The following NLGN1 variants were observed in gnomAD, a reference collection of about 807,000 sequenced individuals.
NLGN1 encodes neuroligin-1.
In NLGN1, 12 loss-of-function variants were observed where a neutral mutation model predicts 65.5. The ratio of observed to expected loss-of-function variants is 0.18; its 90% confidence interval spans 0.12 to 0.30. NLGN1 has a LOEUF of 0.30. Among genes scored for constraint, NLGN1 ranks in the 10% least tolerant of loss-of-function variants. The pLI is 1.00. For synonymous variants in NLGN1, 350 were observed against 359.5 expected (o/e 0.97, Z 0.30); for missense variants, 750 against 1,007.1 (o/e 0.74, Z 3.46).
At position 173,676,562 on chromosome 3, in the gene NLGN1, T is replaced by A. The variant is rs1001174865; in HGVS notation, c.493+71471T>A. Among the ~76,000 whole-genome samples the A allele has an allele frequency of 7.2e-5, 11 of 152,308 alleles. No homozygotes were observed. The East Asian group carries it at 2.1e-3, about 29-fold the overall frequency. ...ATGGTAAATGAATAAAATATTTTTA[T>A]GTATATACCTTTGATGTACTTTTTG... On this transcript the variant is annotated intron_variant, in intron 3 of 6. Transcript: ENST00000457714.
At chr3:173,678,726 A>G (rs1763518326) in intron 3 of NLGN1, among the ~76,000 whole-genome samples, 1 of 152,104 alleles carries the variant, frequency 6.6e-6, no homozygotes, top group African/African-American at 2.4e-5. Flanking sequence ...TCAGATATGA[A>G]TTTCAAAATG....
exon 6 of NLGN1, chr3:174,278,873 G>A (rs1577783480): frequency 4.8e-6 from 7 of 1,469,720 alleles, no homozygotes; most frequent in Non-Finnish European, 5.4e-6. Context: ...CTTTTTCAAC[G>A]AGCAATAGCT....
intron 4 of NLGN1, among the ~76,000 whole-genome samples, chr3:174,088,812 A>AAAAC (rs1273814016): frequency 6.0e-5 from 9 of 151,228 alleles, no homozygotes; most frequent in Non-Finnish European, 1.2e-4. Flanking sequence ...AAATAAAACT[A>AAAAC]GATTATTTTT....
At chr3:174,260,665 G>GC (rs766152748) in intron 4 of NLGN1, among the ~76,000 whole-genome samples, 1,718 of 118,666 alleles carry the variant, frequency 0.014, 7 homozygotes, top group East Asian at 0.043. Flanking sequence ...AGTTTCTTTT[G>GC]TGTGCAGAAG....
At position 174,198,844 on chromosome 3, in the gene NLGN1, C is replaced by CTTTTTTT. The variant is rs56752477; in HGVS notation, c.647-76455_647-76449dup. ...TTTGATCTGGCCTCATGACTAGATT[C>CTTTTTTT]TTTTTTTTTTTTTTTTTTTTTTGAG... On this transcript the variant is annotated intron_variant, in intron 4 of 6. Coordinates refer to ENST00000457714, the Ensembl canonical transcript of NLGN1. 3.9e-4 allele frequency among the ~76,000 whole-genome samples: 39 copies of CTTTTTTT among 99,882 alleles called. 2 individuals carry two copies. Among genetic ancestry groups the CTTTTTTT allele is most frequent in the Non-Finnish European group, 4.7e-4 (25 of 53,328 alleles). 65.5% of individuals were successfully genotyped at this position (99,882 alleles called of 152,430 possible).
intron 4 of NLGN1, among the ~76,000 whole-genome samples, chr3:174,243,276 C>T (rs1344186087): frequency 1.3e-5 from 2 of 152,202 alleles, no homozygotes; most frequent in Admixed American, 6.5e-5. Flanking sequence ...TTCCTCCTTT[C>T]AAACATGTCT....
chr3:174,081,323 G>T (rs1319617402), intron 4 of NLGN1, among the ~76,000 whole-genome samples: 1 of 152,048 alleles, frequency 6.6e-6, no homozygotes, highest in Non-Finnish European at 1.5e-5. Context: ...TAAACTGAGT[G>T]GCTTATAAAC....
At chr3:173,776,276 A>G (rs966830195) in intron 3 of NLGN1, among the ~76,000 whole-genome samples, 3 of 152,052 alleles carry the variant, frequency 2.0e-5, no homozygotes, top group Non-Finnish European at 4.4e-5. Flanking sequence ...CTGGCCTTAG[A>G]GAGCCCCTAA....
chr3:173,736,527 C>T (rs954688769), intron 3 of NLGN1, among the ~76,000 whole-genome samples: 7 of 152,024 alleles, frequency 4.6e-5, no homozygotes, highest in Non-Finnish European at 1.0e-4. Context: ...AGATGAGATT[C>T]AGCCTTCTGA....
intron 4 of NLGN1, among the ~76,000 whole-genome samples, chr3:174,182,324 T>C (rs565116264): frequency 5.3e-5 from 8 of 152,256 alleles, no homozygotes; most frequent in Admixed American, 2.0e-4. Context: ...ACTCCCTATT[T>C]TGAAAATAAA....
intron 3 of NLGN1, among the ~76,000 whole-genome samples, chr3:173,742,439 A>G (rs1774795649): frequency 1.3e-5 from 2 of 152,088 alleles, no homozygotes; most frequent in Admixed American, 6.6e-5. Context: ...TCAAGCTTCT[A>G]CTATATTCTA....
intron 4 of NLGN1, among the ~76,000 whole-genome samples, chr3:173,905,633 G>C (rs1738231083): frequency 6.6e-6 from 1 of 152,176 alleles, no homozygotes; most frequent in Non-Finnish European, 1.5e-5. Context: ...CAGGGACAAT[G>C]GATGTGATAA....
Position 173,710,625 on chromosome 3 carries a change from A to G in NLGN1, c.494-97055A>G, listed in dbSNP as rs188679864. ...AGCACACGAGTGCAATGTCTTTGATAGCATGGGTTTTGTTAAATTAATGAA... is the reference window on the plus strand; with the variant it reads ...AGCACACGAGTGCAATGTCTTTGATGGCATGGGTTTTGTTAAATTAATGAA... On this transcript the variant is annotated intron_variant, in intron 3 of 6. Transcript: ENST00000457714. Among the ~76,000 whole-genome samples the G allele has an allele frequency of 2.0e-4, 30 of 152,318 alleles. No individual in the cohort carries two copies. The East Asian group carries it at 4.1e-3, about 21-fold the overall frequency.
intron 4 of NLGN1, among the ~76,000 whole-genome samples, chr3:174,037,710 A>G (rs1305428890): frequency 6.6e-6 from 1 of 152,194 alleles, no homozygotes. Context: ...TAAAAGAATA[A>G]ATACATCACT....
chr3:173,566,067 G>A (rs1028900632), intron 2 of NLGN1, among the ~76,000 whole-genome samples: 1 of 152,126 alleles, frequency 6.6e-6, no homozygotes, highest in Non-Finnish European at 1.5e-5. Flanking sequence ...GATAAAGACC[G>A]GCCTATACGG....
chr3:173,620,564 G>C (rs1028669643), intron 3 of NLGN1, among the ~76,000 whole-genome samples: 1 of 151,958 alleles, frequency 6.6e-6, no homozygotes, highest in African/African-American at 2.4e-5. Context: ...AGGGGGAAAG[G>C]CACCAGAAAA....
intron 2 of NLGN1, among the ~76,000 whole-genome samples, chr3:173,573,731 G>A (rs556411247): frequency 6.6e-6 from 1 of 151,250 alleles, no homozygotes; most frequent in South Asian, 2.1e-4. Context: ...AGGAAGGATA[G>A]AGAAAAAAAT....
intron 4 of NLGN1, among the ~76,000 whole-genome samples, chr3:174,034,325 A>C (rs1389298594): frequency 6.6e-6 from 1 of 152,120 alleles, no homozygotes; most frequent in Non-Finnish European, 1.5e-5. Context: ...ATGTTAAAAA[A>C]AAATTTTAGG....
At chr3:173,815,391 G>A (rs1718831659) in intron 4 of NLGN1, among the ~76,000 whole-genome samples, 1 of 152,094 alleles carries the variant, frequency 6.6e-6, no homozygotes, top group African/African-American at 2.4e-5. Context: ...ACAGGCATGA[G>A]CCACCGCACC....
Sources: gnomAD v4.1 joint callset for allele counts (sites outside exome capture counted in the v4.1 genomes callset) on GRCh38, gnomAD v4.1.1 for gene constraint, MANE v1.5 for transcripts, NCBI Gene and HGNC (gene_info 2026-07-23, HGNC 2026-07-21) for gene names.